LARGE1: variants seen among roughly 807,000 people sequenced by gnomAD.
LARGE1 encodes the protein LARGE xylosyl- and glucuronyltransferase 1.
LARGE1 carries 43 observed loss-of-function variants against 87.6 expected under a neutral mutation model. The ratio of observed to expected loss-of-function variants is 0.49; its 90% CI spans 0.38 to 0.63. The LOEUF (loss-of-function observed/expected upper bound fraction) is 0.63, where lower values mean the gene tolerates loss of function less well. LARGE1 is among the 30% of genes least tolerant of loss of function. The probability of loss-of-function intolerance (pLI) is 0.00; values close to 1 mark genes in which losing one functional copy is unlikely to be tolerated. For synonymous variants in LARGE1, 434 were observed against 394.6 expected (o/e 1.10, Z -1.18); for missense variants, 802 against 1,000.2 (o/e 0.80, Z 2.67).
At chr22:33,554,270 A>T (rs1280559632) in intron 6 of LARGE1, among the ~76,000 whole-genome samples, 1 of 152,110 alleles carries the variant, frequency 6.6e-6, no homozygotes. Context: ...AGATTCATCA[A>T]ATCCCCTCTG....
intron 6 of LARGE1, among the ~76,000 whole-genome samples, chr22:33,470,995 G>A (rs374945986): frequency 1.3e-4 from 20 of 151,674 alleles, no homozygotes; most frequent in African/African-American, 4.6e-4. Context: ...AAACGTTGTA[G>A]GACTGATGAA....
chr22:33,876,952 G>A (rs936271038), intron 1 of LARGE1, among the ~76,000 whole-genome samples: 2 of 151,154 alleles, frequency 1.3e-5, no homozygotes, highest in South Asian at 4.2e-4. Flanking sequence ...GAACACTCTG[G>A]TCATCTCTCC....
At chr22:33,578,707 A>G (rs1173838739) in intron 5 of LARGE1, among the ~76,000 whole-genome samples, 1 of 152,174 alleles carries the variant, frequency 6.6e-6, no homozygotes, top group East Asian at 1.9e-4. Context: ...AAAAACCTTA[A>G]TCGTTTTTGG....
At chr22:33,670,901 C>A (rs2081388905) in intron 2 of LARGE1, among the ~76,000 whole-genome samples, 1 of 151,984 alleles carries the variant, frequency 6.6e-6, no homozygotes. Context: ...GACATAAATG[C>A]TTAATAACAA....
chr22:33,353,624 T>A (rs890489557), intron 9 of LARGE1, among the ~76,000 whole-genome samples: 6 of 152,182 alleles, frequency 3.9e-5, no homozygotes, highest in Non-Finnish European at 5.9e-5. Context: ...ACGTGATAGA[T>A]TCTGTTTAGA....
chr22:33,137,455 C>G, the LARGE1 span: 4 of 152,202 alleles, frequency 2.6e-5, no homozygotes, highest in African/African-American at 9.7e-5. Context: ...CATAAGAGTT[C>G]AGAAAATTTG....
Position 33,272,649 on chromosome 22 carries a change from T to C in LARGE1, c.*1778A>G, listed in dbSNP as rs1397952337. Among the ~76,000 whole-genome samples the C allele has an allele frequency of 6.6e-6, 1 of 152,238 alleles. No homozygotes were observed. The highest frequency in any genetic ancestry group is 1.5e-5 in the Non-Finnish European group (1 of 68,038). ...AGCCTAGCTAGATCTATGCAAAAAT[T>C]AGTCCTAATGGTAATTTTCCTAATT... On this transcript the variant is annotated 3_prime_UTR_variant, in exon 15 of 15. Transcript: ENST00000397394.
chr22:33,783,812 G>A (rs776057419), intron 1 of LARGE1, among the ~76,000 whole-genome samples: 18 of 152,180 alleles, frequency 1.2e-4, no homozygotes, highest in East Asian at 3.9e-4. Context: ...GCTGCAGAAC[G>A]GGCTCTAACT....
intron 1 of LARGE1, among the ~76,000 whole-genome samples, chr22:33,782,210 T>G (rs2085445007): frequency 6.6e-6 from 1 of 152,260 alleles, no homozygotes; most frequent in South Asian, 2.1e-4. Flanking sequence ...TTTAAAGCAC[T>G]AAAATATGGC....
At chr22:33,728,940 T>C (rs1212261034) in intron 2 of LARGE1, among the ~76,000 whole-genome samples, 1 of 152,218 alleles carries the variant, frequency 6.6e-6, no homozygotes, top group African/African-American at 2.4e-5. Context: ...CTGATAATGT[T>C]TGTAAAAAGA....
chr22:33,182,687 T>C (rs978864706), intron 11 of LARGE1, among the ~76,000 whole-genome samples: 1 of 152,200 alleles, frequency 6.6e-6, no homozygotes, highest in African/African-American at 2.4e-5. Context: ...TGTCTACTAA[T>C]CTTTGATTAC....
intron 2 of LARGE1, among the ~76,000 whole-genome samples, chr22:33,673,153 T>C (rs1376869854): frequency 1.3e-5 from 2 of 152,072 alleles, no homozygotes; most frequent in Non-Finnish European, 2.9e-5. Flanking sequence ...CGGGCGCCTG[T>C]AATCCCATCT....
At chr22:33,498,434 T>C (rs2070257709) in intron 6 of LARGE1, among the ~76,000 whole-genome samples, 1 of 152,120 alleles carries the variant, frequency 6.6e-6, no homozygotes. Flanking sequence ...TCCAGAACAG[T>C]CATCAAGGAG....
At chr22:33,884,493 C>T (rs1397189922) in intron 1 of LARGE1, among the ~76,000 whole-genome samples, 1 of 152,256 alleles carries the variant, frequency 6.6e-6, no homozygotes, top group Non-Finnish European at 1.5e-5. Flanking sequence ...TATGGGAAGG[C>T]ATGTGCCACA....
intron 1 of LARGE1, among the ~76,000 whole-genome samples, chr22:33,837,909 C>T (rs903796490): frequency 2.0e-5 from 3 of 152,170 alleles, no homozygotes; most frequent in African/African-American, 4.8e-5. Context: ...CTTTAGAACA[C>T]GGGCCAGCAA....
chr22:33,791,765 G>A (rs2085830880), intron 1 of LARGE1, among the ~76,000 whole-genome samples: 1 of 152,138 alleles, frequency 6.6e-6, no homozygotes, highest in African/African-American at 2.4e-5. Flanking sequence ...ACCAGCACTA[G>A]TGCTACCACT....
At chr22:33,193,121 G>A (rs761331361) in intron 11 of LARGE1, among the ~76,000 whole-genome samples, 34 of 151,770 alleles carry the variant, frequency 2.2e-4, no homozygotes, top group Non-Finnish European at 1.3e-4. Flanking sequence ...TAATACTCTG[G>A]ATGCAATGAG....
the LARGE1 span, among the ~76,000 whole-genome samples, chr22:33,140,055 G>A: frequency 1.3e-5 from 2 of 152,368 alleles, no homozygotes; most frequent in African/African-American, 2.4e-5. Context: ...TTGGGTGGGA[G>A]AGGTTAGAGC....
chr22:33,697,546 T>C, intron 2 of LARGE1, among the ~76,000 whole-genome samples: 1 of 876 alleles, frequency 1.1e-3, no homozygotes, highest in Non-Finnish European at 2.0e-3. Flanking sequence ...CTAGACTCTG[T>C]CCCAAAAAAA....
Sources: gnomAD v4.1 joint callset for allele counts (sites outside exome capture counted in the v4.1 genomes callset) on GRCh38, gnomAD v4.1.1 for gene constraint, MANE v1.5 for transcripts, NCBI Gene and HGNC (gene_info 2026-07-23, HGNC 2026-07-21) for gene names.